The following NTM variants were observed in gnomAD, a reference collection of about 807,000 sequenced individuals.
The protein encoded by NTM is neurotrimin.
In NTM, 13 loss-of-function variants were observed where a neutral mutation model predicts 42.1. The observed-to-expected ratio is 0.31, with a 90% confidence interval of 0.20 to 0.49. NTM has a LOEUF of 0.49. NTM is among the 20% of genes least tolerant of loss of function. The pLI is 0.99. For synonymous variants in NTM, 187 were observed against 179.2 expected, an observed-to-expected ratio of 1.04 and a Z score of -0.35; for missense variants, 373 against 452.8, an observed-to-expected ratio of 0.82 and a Z score of 1.60.
intron 1 of NTM, chr11:131,573,546 C>T (rs1384221897): frequency 6.6e-6 from 1 of 152,102 alleles, no homozygotes; most frequent in Non-Finnish European, 1.5e-5. Flanking sequence ...AAAGTCTTAC[C>T]CGGTAGGTGA....
intron 2 of NTM, among the ~76,000 whole-genome samples, chr11:131,957,569 A>G (rs1019517228): frequency 6.6e-6 from 1 of 152,178 alleles, no homozygotes; most frequent in African/African-American, 2.4e-5. Flanking sequence ...CTGCAGCCCA[A>G]CCGTTACCTG....
chr11:131,520,387 G>C (rs2049471542), intron 1 of NTM, among the ~76,000 whole-genome samples: 1 of 152,144 alleles, frequency 6.6e-6, no homozygotes, highest in Non-Finnish European at 1.5e-5. Context: ...AGATCAAAAA[G>C]ATTGTAAGTG....
intron 7 of NTM, among the ~76,000 whole-genome samples, chr11:132,316,538 G>A (rs1391955727): frequency 6.6e-6 from 1 of 152,212 alleles, no homozygotes; most frequent in Non-Finnish European, 1.5e-5. Flanking sequence ...GTCACACCAA[G>A]ATGAGTGGGG....
intron 7 of NTM, among the ~76,000 whole-genome samples, chr11:132,325,963 A>G (rs2136354814): frequency 6.6e-6 from 1 of 151,900 alleles, no homozygotes; most frequent in Non-Finnish European, 1.5e-5. Context: ...TGGGAATTGA[A>G]CAATGAGAAC....
intron 3 of NTM, among the ~76,000 whole-genome samples, chr11:132,168,191 A>C (rs1022907197): frequency 6.6e-6 from 1 of 152,184 alleles, no homozygotes; most frequent in African/African-American, 2.4e-5. Context: ...ACTGCACTTC[A>C]TCTGATGATG....
At chr11:131,756,961 A>G (rs137925016) in intron 1 of NTM, among the ~76,000 whole-genome samples, 1 of 152,294 alleles carries the variant, frequency 6.6e-6, no homozygotes, top group East Asian at 1.9e-4. Flanking sequence ...CAGCAATTTT[A>G]TGATTCATAA....
chr11:131,776,356 G>C (rs967640505), intron 1 of NTM, among the ~76,000 whole-genome samples: 3 of 152,124 alleles, frequency 2.0e-5, no homozygotes, highest in African/African-American at 7.2e-5. Context: ...GCAATACCTT[G>C]CCAAACACAG....
At chr11:131,582,298 C>A (rs1366761021) in intron 1 of NTM, 1 of 152,214 alleles carries the variant, frequency 6.6e-6, no homozygotes, top group African/African-American at 2.4e-5. Flanking sequence ...TGGCACCAAG[C>A]GGCATGTGAG....
chr11:132,125,300 TG>T (rs1167510822), intron 2 of NTM, among the ~76,000 whole-genome samples: 10 of 151,544 alleles, frequency 6.6e-5, no homozygotes, highest in Admixed American at 3.9e-4. Context: ...TGTGTGTGTG[TG>T]TGTGGTGTGG....
At chr11:131,452,363 C>T (rs1950550677) in intron 1 of NTM, among the ~76,000 whole-genome samples, 1 of 152,194 alleles carries the variant, frequency 6.6e-6, no homozygotes, top group Non-Finnish European at 1.5e-5. Flanking sequence ...GGGAGTTCAC[C>T]TTTGAAGGCA....
chr11:132,087,824 AC>A lies in NTM; in HGVS notation c.168-58457del, dbSNP rs77091530. ...ATGGGTTTCTCCAACAGGGAGAGAA[AC>A]TTTTGATTGCTGTCAGATCAAGTTG... On this transcript the variant is annotated intron_variant, in intron 2 of 8. Transcript: ENST00000683400. 6.5e-4 allele frequency among the ~76,000 whole-genome samples: 99 copies of A among 152,282 alleles called. 1 individual carries two copies. The East Asian group carries it at 0.012, about 19-fold the overall frequency.
intron 2 of NTM, chr11:131,984,366 A>T (rs1222772293): frequency 6.6e-6 from 1 of 152,222 alleles, no homozygotes; most frequent in Non-Finnish European, 1.5e-5. Flanking sequence ...TTATTTGGAA[A>T]ATGGAAGCAT....
chr11:131,528,955 G>T (rs1461366705), intron 1 of NTM, among the ~76,000 whole-genome samples: 2 of 152,120 alleles, frequency 1.3e-5, no homozygotes, highest in East Asian at 3.8e-4. Flanking sequence ...TATTTCCTTG[G>T]TATTCCCCAC....
chr11:131,662,938 A>T (rs564468138), intron 1 of NTM, among the ~76,000 whole-genome samples: 3 of 152,208 alleles, frequency 2.0e-5, no homozygotes, highest in Admixed American at 2.0e-4. Context: ...TCCACAGAGC[A>T]TATAAGTACA....
intron 1 of NTM, among the ~76,000 whole-genome samples, chr11:131,687,316 T>C (rs2074013492): frequency 1.3e-5 from 2 of 152,022 alleles, no homozygotes; most frequent in South Asian, 4.2e-4. Context: ...TGCTTGAATG[T>C]GATCTCGCTA....
intron 3 of NTM, among the ~76,000 whole-genome samples, chr11:132,161,615 C>G (rs1014803689): frequency 6.6e-6 from 1 of 152,000 alleles, no homozygotes; most frequent in African/African-American, 2.4e-5. Flanking sequence ...TTCCCACAGT[C>G]TTCCTCCCCC....
At chr11:132,149,320 ACT>A (rs946477177) in intron 3 of NTM, among the ~76,000 whole-genome samples, 4 of 152,120 alleles carry the variant, frequency 2.6e-5, no homozygotes, top group Middle Eastern at 3.4e-3. Flanking sequence ...GCAGAAGCTG[ACT>A]CTCTGGATTT....
intron 1 of NTM, among the ~76,000 whole-genome samples, chr11:131,789,155 A>C (rs1050644359): frequency 6.6e-6 from 1 of 151,788 alleles, no homozygotes; most frequent in Non-Finnish European, 1.5e-5. Context: ...GCTGGATGTT[A>C]TGTTTCTTCT....
intron 3 of NTM, among the ~76,000 whole-genome samples, chr11:132,207,964 G>A (rs1230434953): frequency 6.6e-6 from 1 of 152,172 alleles, no homozygotes; most frequent in African/African-American, 2.4e-5. Flanking sequence ...AACTCCTTGA[G>A]GAAAAGGATG....
Sources: allele counts gnomAD v4.1 joint callset (sites outside exome capture counted in the v4.1 genomes callset), GRCh38; gene constraint gnomAD v4.1.1; transcripts MANE v1.5; gene names NCBI Gene and HGNC (gene_info 2026-07-23, HGNC 2026-07-21).